TENM4: variants seen among roughly 807,000 people sequenced by gnomAD.
TENM4 encodes teneurin-4.
In TENM4, 82 loss-of-function variants were observed where a neutral mutation model predicts 243.3. The observed-to-expected ratio is 0.34, with a 90% CI of 0.28 to 0.40. The LOEUF (loss-of-function observed/expected upper bound fraction) is 0.40. Ranked by LOEUF, TENM4 falls within the 10% of genes least tolerant of loss-of-function variation. TENM4 has a pLI of 1.00. For synonymous variants in TENM4, 1,412 were observed against 1,456.3 expected (o/e 0.97, Z 0.69); for missense variants, 3,138 against 3,673.3 (o/e 0.85, Z 3.77).
At chr11:78,738,352 G>A in intron 20 of TENM4, 99 bp downstream of exon 20, 1 of 1,469,132 alleles carries the variant, frequency 6.8e-7, no homozygotes, top group South Asian at 1.4e-5. Flanking sequence ...CTGAATCCAA[G>A]ACCCATCCTC....
chr11:79,134,811 G>A (rs1249759774), intron 4 of TENM4, among the ~76,000 whole-genome samples: 17 of 151,994 alleles, frequency 1.1e-4, no homozygotes, highest in Admixed American at 1.0e-3. Context: ...AATGAAACTG[G>A]GTCCTCATCT....
chr11:79,104,962 G>A (rs1359995277), intron 4 of TENM4, among the ~76,000 whole-genome samples: 2 of 152,130 alleles, frequency 1.3e-5, no homozygotes, highest in African/African-American at 4.8e-5. Context: ...AGCCATTAGA[G>A]GTTTTAGTCA....
At position 79,388,046 on chromosome 11, in the gene TENM4, T is replaced by G. The variant is rs11604414; in HGVS notation, c.-321+52463A>C. ...AAACTTGAATAAACAGAAGATGTTTTGAGTGTGAAAGGTGGTACAGGGCCT... is the reference window on the plus strand; with the variant it reads ...AAACTTGAATAAACAGAAGATGTTTGGAGTGTGAAAGGTGGTACAGGGCCT... On this transcript the variant is annotated intron_variant, in intron 1 of 33. Coordinates refer to ENST00000278550, the MANE Select transcript of TENM4 (RefSeq NM_001098816.3). Among the ~76,000 whole-genome samples the G allele has an allele frequency of 9.3e-3, 1,414 of 152,318 alleles. 27 individuals carry two copies. The highest frequency in any genetic ancestry group is 0.014 in the Non-Finnish European group (939 of 68,020).
intron 4 of TENM4, among the ~76,000 whole-genome samples, chr11:79,089,940 C>A (rs1019433681): frequency 3.3e-5 from 5 of 152,188 alleles, no homozygotes; most frequent in South Asian, 2.1e-4. Flanking sequence ...CAAAGCCCCA[C>A]ACAGAGAGCC....
chr11:79,205,486 C>A (rs765264476), intron 3 of TENM4, among the ~76,000 whole-genome samples: 2 of 152,238 alleles, frequency 1.3e-5, no homozygotes, highest in African/African-American at 4.8e-5. Context: ...CTTCCACCCC[C>A]AGCCCAGGTC....
chr11:79,253,070 A>C (rs1297133945), intron 2 of TENM4, among the ~76,000 whole-genome samples: 1 of 152,234 alleles, frequency 6.6e-6, no homozygotes, highest in African/African-American at 2.4e-5. Context: ...GAAGGAATGC[A>C]ACTTACCCAG....
At chr11:79,340,063 T>C (rs1857216910) in intron 1 of TENM4, among the ~76,000 whole-genome samples, 1 of 152,152 alleles carries the variant, frequency 6.6e-6, no homozygotes, top group South Asian at 2.1e-4. Context: ...ATTGCTGAAA[T>C]ACCGAGGCCG....
rs550198599 is a variant in TENM4, at chr11:79,380,435, T to A, written c.-321+60074A>T. The stretch of plus-strand genomic sequence containing the variant: ...GGGTGGTATCATGGGAGAATCTCCA[T>A]CCTTGGGGGCCCACTTGCTGAGTCA... On this transcript the variant is annotated intron_variant, in intron 1 of 33. Transcript: ENST00000278550. Among the ~76,000 whole-genome samples, 7 of 152,284 alleles carry A rather than the reference T, an allele frequency of 4.6e-5. No individual in the cohort carries two copies. The South Asian group carries it at 1.5e-3, about 32-fold the overall frequency.
chr11:79,251,031 GA>G (rs1213661065), intron 2 of TENM4, among the ~76,000 whole-genome samples: 1 of 152,008 alleles, frequency 6.6e-6, no homozygotes, highest in Non-Finnish European at 1.5e-5. Flanking sequence ...AATGAATTGG[GA>G]AAAAAAGCAA....
intron 6 of TENM4, among the ~76,000 whole-genome samples, chr11:79,048,068 T>C (rs547174201): frequency 6.6e-6 from 1 of 152,316 alleles, no homozygotes; most frequent in Non-Finnish European, 1.5e-5. Context: ...TTCTTTTCAT[T>C]TGTCTTTTGA....
chr11:79,028,528 G>A (rs1859144045), intron 6 of TENM4, among the ~76,000 whole-genome samples: 1 of 152,200 alleles, frequency 6.6e-6, no homozygotes, highest in South Asian at 2.1e-4. Flanking sequence ...CTCAAATTGG[G>A]TCAAGAAGGT....
intron 6 of TENM4, among the ~76,000 whole-genome samples, chr11:79,004,218 T>G (rs934810051): frequency 2.6e-5 from 4 of 152,122 alleles, no homozygotes; most frequent in Non-Finnish European, 5.9e-5. Flanking sequence ...CCACTGACGG[T>G]AGGAGATAGA....
intron 15 of TENM4, among the ~76,000 whole-genome samples, chr11:78,794,076 A>C (rs1270929461): frequency 1.3e-5 from 2 of 152,144 alleles, no homozygotes; most frequent in Non-Finnish European, 2.9e-5. Flanking sequence ...CTGCTCATCC[A>C]TCAGCCCATC....
intron 6 of TENM4, among the ~76,000 whole-genome samples, chr11:79,052,064 A>T (rs188155912): frequency 1.2e-3 from 188 of 152,338 alleles, no homozygotes; most frequent in Admixed American, 2.2e-3. Flanking sequence ...GCTATTGTAA[A>T]TAGTACTGCA....
chr11:79,230,860 A>T (rs1482178861), intron 2 of TENM4, among the ~76,000 whole-genome samples: 1 of 152,210 alleles, frequency 6.6e-6, no homozygotes, highest in East Asian at 1.9e-4. Context: ...TAATACACAC[A>T]TATAAGCCAA....
At chr11:78,884,840 A>G (rs1263259412) in intron 9 of TENM4, among the ~76,000 whole-genome samples, 1 of 152,228 alleles carries the variant, frequency 6.6e-6, no homozygotes, top group Non-Finnish European at 1.5e-5. Flanking sequence ...AACATTTACC[A>G]TGCAACAGTG....
chr11:78,696,516 TGA>T (rs945280809), intron 28 of TENM4, among the ~76,000 whole-genome samples: 1 of 152,282 alleles, frequency 6.6e-6, no homozygotes, highest in Middle Eastern at 3.4e-3. Context: ...GAAATGGGTG[TGA>T]GTTTCCTTGT....
Position 79,139,763 on chromosome 11 carries a change from TTATATAA to T in TENM4, c.-66+8940_-66+8946del, listed in dbSNP as rs796249457. On this transcript the variant is annotated intron_variant, in intron 4 of 33. Transcript: ENST00000278550. ...TATAAATATATAATATATATTATAT[TTATATAA>T]ATATATAATATATATTATATTTATA... Among the ~76,000 whole-genome samples, 48 of 27,704 alleles carry T rather than the reference TTATATAA, an allele frequency of 1.7e-3. 9 individuals carry two copies. The highest frequency in any genetic ancestry group is 0.012 in the East Asian group (22 of 1,844). The allele number at this position is 27,704 out of a possible 152,430, so 18.2% of individuals were successfully genotyped here.
chr11:78,920,494 C>T (rs1488420141), intron 6 of TENM4, among the ~76,000 whole-genome samples: 1 of 152,206 alleles, frequency 6.6e-6, no homozygotes, highest in Non-Finnish European at 1.5e-5. Context: ...TAGGCATCCT[C>T]TGGGTAACAG....
Sources: gnomAD v4.1 joint callset for allele counts (sites outside exome capture counted in the v4.1 genomes callset) on GRCh38, gnomAD v4.1.1 for gene constraint, MANE v1.5 for transcripts, NCBI Gene and HGNC (gene_info 2026-07-23, HGNC 2026-07-21) for gene names.